TMEM178A: variants seen among roughly 807,000 people sequenced by gnomAD.
The protein encoded by TMEM178A is transmembrane protein 178A, also known as transmembrane protein 178.
In TMEM178A, 12 loss-of-function variants were observed where a neutral mutation model predicts 29.1. The observed-to-expected ratio is 0.41, with a 90% CI of 0.26 to 0.67. The LOEUF (loss-of-function observed/expected upper bound fraction) is 0.67, where lower values mean the gene tolerates loss of function less well. Ranked by LOEUF, TMEM178A falls within the 30% of genes least tolerant of loss-of-function variation. The pLI, the probability that TMEM178A is intolerant of heterozygous loss-of-function variation, is 0.29. For missense variants in TMEM178A, 366 were observed against 419.1 expected (o/e 0.87, Z 1.11); for synonymous variants, 210 against 187.2 (o/e 1.12, Z -0.99).
At chr2:39,700,965 A>G (rs577137747) in intron 1 of TMEM178A, among the ~76,000 whole-genome samples, 1 of 148,602 alleles carries the variant, frequency 6.7e-6, no homozygotes, top group African/African-American at 2.5e-5. Context: ...TTTCATCCCC[A>G]CTCTCCTCCT....
downstream of TMEM178A, among the ~76,000 whole-genome samples, chr2:39,720,207 T>TAGTGTATCAGTGATGATAATAATAAG: frequency 6.6e-6 from 1 of 152,220 alleles, no homozygotes; most frequent in Non-Finnish European, 1.5e-5. Context: ...AAAAAAATAC[T>TAGTGTATCAGTGATGATAATAATAAG]AACTTTTTGC....
chr2:39,677,292 T>C (rs933359389), intron 1 of TMEM178A, among the ~76,000 whole-genome samples: 1 of 152,122 alleles, frequency 6.6e-6, no homozygotes, highest in African/African-American at 2.4e-5. Flanking sequence ...GGCTATGACT[T>C]TTTTTAACTT....
intron 1 of TMEM178A, among the ~76,000 whole-genome samples, chr2:39,676,799 A>C (rs531890642): frequency 6.6e-6 from 1 of 152,278 alleles, no homozygotes; most frequent in Non-Finnish European, 1.5e-5. Flanking sequence ...CCATAGTAGG[A>C]GAAGACTGAG....
intron 1 of TMEM178A, 46 bp downstream of exon 1, chr2:39,666,420 C>A: frequency 1.6e-6 from 2 of 1,260,922 alleles, no homozygotes; most frequent in Non-Finnish European, 2.0e-6. Context: ...GCGCGTGGAG[C>A]GCAGCCCGCG....
intron 3 of TMEM178A, among the ~76,000 whole-genome samples, chr2:39,714,712 T>G (rs191199497): frequency 6.6e-6 from 1 of 152,344 alleles, no homozygotes; most frequent in African/African-American, 2.4e-5. Context: ...GTAATTCTTT[T>G]CTATTCAGTA....
intron 1 of TMEM178A, among the ~76,000 whole-genome samples, chr2:39,676,697 GC>G (rs1238527654): frequency 6.6e-6 from 1 of 152,214 alleles, no homozygotes; most frequent in Non-Finnish European, 1.5e-5. Context: ...GCTTTGGTCA[GC>G]CACGGAAGAG....
intron 3 of TMEM178A, among the ~76,000 whole-genome samples, chr2:39,709,171 C>G (rs1310702613): frequency 6.6e-6 from 1 of 152,234 alleles, no homozygotes; most frequent in African/African-American, 2.4e-5. Flanking sequence ...TGAGCGTTGA[C>G]GGGTAGGGGG....
chr2:39,673,038 G>A (rs1670469676), intron 1 of TMEM178A, among the ~76,000 whole-genome samples: 1 of 152,182 alleles, frequency 6.6e-6, no homozygotes, highest in South Asian at 2.1e-4. Flanking sequence ...TACATCTGTA[G>A]TGCTGTGTGC....
chr2:39,690,932 C>T (rs980341843), intron 1 of TMEM178A, among the ~76,000 whole-genome samples: 1 of 152,082 alleles, frequency 6.6e-6, no homozygotes, highest in African/African-American at 2.4e-5. Context: ...AGATACTGTG[C>T]TAAAGTGAAA....
Position 39,715,260 on chromosome 2 carries a change from TTC to T in TMEM178A, c.653-1749_653-1748del. On this transcript the variant is annotated intron_variant, in intron 3 of 3. Transcript: ENST00000281961. Reference sequence around the variant, plus strand: ...AGCTAAATGCAGAATAAAGTTGTTTTTCCTGTGAAGAGGTCATTGTTCTATTA... The same window carrying T: ...AGCTAAATGCAGAATAAAGTTGTTTTCTGTGAAGAGGTCATTGTTCTATTA... Among the ~76,000 whole-genome samples the T allele has an allele frequency of 2.0e-5, 3 of 152,362 alleles. No individual in the cohort carries two copies. The South Asian group carries it at 6.2e-4, about 32-fold the overall frequency.
At chr2:39,719,994 G>A (rs1245391375), downstream of TMEM178A, among the ~76,000 whole-genome samples, 1 of 151,986 alleles carries the variant, frequency 6.6e-6, no homozygotes, top group African/African-American at 2.4e-5. Flanking sequence ...TTTTGCCCTG[G>A]TAAAGCTTAT....
the TMEM178A span, among the ~76,000 whole-genome samples, chr2:39,735,686 T>C: frequency 9.9e-5 from 15 of 152,240 alleles, no homozygotes; most frequent in Non-Finnish European, 1.8e-4. Flanking sequence ...TACTTAGTTT[T>C]AGCAAAAATG....
At chr2:39,730,614 G>T in the TMEM178A span, among the ~76,000 whole-genome samples, 8 of 152,156 alleles carry the variant, frequency 5.3e-5, no homozygotes, top group African/African-American at 1.9e-4. Flanking sequence ...TATTGGTGGT[G>T]GTGGTGTGGT....
At chr2:39,726,207 T>C in the TMEM178A span, among the ~76,000 whole-genome samples, 1 of 151,684 alleles carries the variant, frequency 6.6e-6, no homozygotes, top group African/African-American at 2.4e-5. Flanking sequence ...GAACGAAAAA[T>C]GAGGTGGCTA....
At chr2:39,729,552 A>C in the TMEM178A span, among the ~76,000 whole-genome samples, 1 of 152,204 alleles carries the variant, frequency 6.6e-6, no homozygotes, top group Admixed American at 6.5e-5. Flanking sequence ...AACTTCCTCC[A>C]ACCAACCAAT....
At chr2:39,734,103 G>C in the TMEM178A span, among the ~76,000 whole-genome samples, 1 of 152,060 alleles carries the variant, frequency 6.6e-6, no homozygotes, top group Non-Finnish European at 1.5e-5. Context: ...AAAACTAGTT[G>C]TAAGAACTGT....
At chr2:39,672,371 G>A (rs1670441147) in intron 1 of TMEM178A, among the ~76,000 whole-genome samples, 1 of 152,162 alleles carries the variant, frequency 6.6e-6, no homozygotes, top group Non-Finnish European at 1.5e-5. Flanking sequence ...GGGAAAAAAG[G>A]AAGAGTTTGC....
chr2:39,723,267 T>C, the TMEM178A span, among the ~76,000 whole-genome samples: 1 of 152,224 alleles, frequency 6.6e-6, no homozygotes, highest in Non-Finnish European at 1.5e-5. Context: ...TAAAACACAT[T>C]GCACTTATCA....
intron 3 of TMEM178A, among the ~76,000 whole-genome samples, chr2:39,712,041 T>TTGTGTGTGTGTGTGTG (rs61303746): frequency 0.031 from 4,329 of 139,240 alleles, 124 homozygotes; most frequent in African/African-American, 0.062. Context: ...GAATTGCATT[T>TTGTGTGTGTGTGTGTG]TGTGTGTGTG....
Sources: gnomAD v4.1 joint callset for allele counts (sites outside exome capture counted in the v4.1 genomes callset) on GRCh38, gnomAD v4.1.1 for gene constraint, MANE v1.5 for transcripts, NCBI Gene and HGNC (gene_info 2026-07-23, HGNC 2026-07-21) for gene names.